GALK2: variants seen among roughly 807,000 people sequenced by gnomAD.
The protein encoded by GALK2 is N-acetylgalactosamine kinase.
GALK2 carries 36 observed loss-of-function variants against 52.4 expected under a neutral mutation model. The observed-to-expected ratio is 0.69, with a 90% CI of 0.53 to 0.91. The LOEUF (loss-of-function observed/expected upper bound fraction) is 0.91, where lower values mean the gene tolerates loss of function less well. Ranked by LOEUF, GALK2 falls within the 40% of genes least tolerant of loss-of-function variation. The pLI is 0.00. For missense variants in GALK2, 579 were observed against 559.1 expected (o/e 1.04, Z -0.36); for synonymous variants, 176 against 199.1 (o/e 0.88, Z 0.98).
chr15:49,275,023 A>G (rs552151775), intron 5 of GALK2, among the ~76,000 whole-genome samples: 20 of 152,330 alleles, frequency 1.3e-4, no homozygotes, highest in Middle Eastern at 3.4e-3. Context: ...GATAAAAAGT[A>G]TAATAAATAT....
intron 3 of GALK2, among the ~76,000 whole-genome samples, chr15:49,232,748 G>T (rs1455127006): frequency 6.6e-6 from 1 of 152,140 alleles, no homozygotes; most frequent in Non-Finnish European, 1.5e-5. Flanking sequence ...CAAGTTCAAA[G>T]TTCCACATAC....
chr15:49,227,187 TCTG>T (rs2090182296), intron 3 of GALK2, among the ~76,000 whole-genome samples: 1 of 152,208 alleles, frequency 6.6e-6, no homozygotes, highest in Admixed American at 6.5e-5. Context: ...TTTTAAATTT[TCTG>T]TTGTGATGAT....
intron 5 of GALK2, among the ~76,000 whole-genome samples, chr15:49,268,684 C>G (rs893802288): frequency 1.3e-5 from 2 of 152,180 alleles, no homozygotes; most frequent in African/African-American, 4.8e-5. Context: ...TAGAAATGAT[C>G]AGAAATGATC....
chr15:49,310,990 C>T (rs111244767), intron 8 of GALK2, among the ~76,000 whole-genome samples: 72 of 152,164 alleles, frequency 4.7e-4, no homozygotes, highest in African/African-American at 1.7e-3. Context: ...AAGCATTTCC[C>T]CTGTGTTCTC....
intron 8 of GALK2, among the ~76,000 whole-genome samples, chr15:49,311,251 A>T (rs2141911613): frequency 6.6e-6 from 1 of 152,272 alleles, no homozygotes; most frequent in South Asian, 2.1e-4. Flanking sequence ...TTATTTGTTC[A>T]TTCACATGGG....
intron 5 of GALK2, among the ~76,000 whole-genome samples, chr15:49,270,888 T>C (rs1490399086): frequency 6.6e-6 from 1 of 152,122 alleles, no homozygotes; most frequent in African/African-American, 2.4e-5. Context: ...TTCTTGTCAT[T>C]CTCTAGGAGA....
chr15:49,322,839 C>G (rs925886631), intron 9 of GALK2, among the ~76,000 whole-genome samples: 18 of 151,894 alleles, frequency 1.2e-4, no homozygotes, highest in African/African-American at 4.4e-4. Context: ...CGCCTGTAGT[C>G]CCAGCTACTC....
chr15:49,304,723 G>A (rs1360134893), intron 8 of GALK2, among the ~76,000 whole-genome samples: 3 of 152,172 alleles, frequency 2.0e-5, no homozygotes, highest in Admixed American at 2.0e-4. Flanking sequence ...TCAAATCTTG[G>A]TGATACCAAT....
chr15:49,316,804 G>A (rs1412144834), intron 8 of GALK2, among the ~76,000 whole-genome samples: 1 of 152,160 alleles, frequency 6.6e-6, no homozygotes, highest in Non-Finnish European at 1.5e-5. Context: ...GTCCTTCAGT[G>A]GAAAGACACT....
At chr15:49,263,251 T>A (rs1044599460) in intron 5 of GALK2, among the ~76,000 whole-genome samples, 1 of 72,040 alleles carries the variant, frequency 1.4e-5, no homozygotes, top group Admixed American at 1.1e-4. Context: ...ATCTTGGTGC[T>A]CCTGTATTGG....
At chr15:49,293,924 AC>A (rs1255005139) in intron 8 of GALK2, among the ~76,000 whole-genome samples, 2 of 151,772 alleles carry the variant, frequency 1.3e-5, no homozygotes, top group East Asian at 3.9e-4. Flanking sequence ...ACATAGTAAA[AC>A]CCTGCCTCTA....
intron 5 of GALK2, among the ~76,000 whole-genome samples, chr15:49,245,718 T>C (rs1480746253): frequency 6.6e-6 from 1 of 152,170 alleles, no homozygotes. Context: ...ACAAAATTAT[T>C]CAGCGAGGGC....
At chr15:49,360,116 C>T (rs2043938921) in intron 3 of GALK2, among the ~76,000 whole-genome samples, 1 of 149,992 alleles carries the variant, frequency 6.7e-6, no homozygotes, top group African/African-American at 2.5e-5. Flanking sequence ...GGAGGGATAG[C>T]ATCAGGAGAT....
intron 5 of GALK2, among the ~76,000 whole-genome samples, chr15:49,256,139 C>T (rs866648165): frequency 1.3e-5 from 2 of 152,036 alleles, no homozygotes; most frequent in Non-Finnish European, 2.9e-5. Flanking sequence ...CCAAGCAACG[C>T]GAATTTGGTT....
intron 3 of GALK2, chr15:49,366,762 G>T: frequency 1.4e-6 from 1 of 707,372 alleles, no homozygotes; most frequent in African/African-American, 1.8e-5. Context: ...CCACTGCGCT[G>T]CCTCCGTGGC....
intron 2 of GALK2, among the ~76,000 whole-genome samples, chr15:49,204,485 T>A (rs1254976280): frequency 6.6e-6 from 1 of 152,094 alleles, no homozygotes; most frequent in Non-Finnish European, 1.5e-5. Flanking sequence ...CTTCCCACTT[T>A]TTTGTATCCT....
At chr15:49,299,755 CTTT>C (rs2034884045) in intron 8 of GALK2, among the ~76,000 whole-genome samples, 2 of 124,606 alleles carry the variant, frequency 1.6e-5, no homozygotes, top group African/African-American at 6.4e-5. Flanking sequence ...TTCTTTCTTT[CTTT>C]CTTTCTTTCT....
intron 9 of GALK2, among the ~76,000 whole-genome samples, chr15:49,320,353 G>A (rs1218936706): frequency 6.6e-6 from 1 of 152,188 alleles, no homozygotes; most frequent in Non-Finnish European, 1.5e-5. Context: ...AAAGGCTGAA[G>A]AAAGCCCAGG....
At chr15:49,342,156 G>C (rs1230616047) in intron 3 of GALK2, among the ~76,000 whole-genome samples, 2 of 152,130 alleles carry the variant, frequency 1.3e-5, no homozygotes, top group Non-Finnish European at 2.9e-5. Flanking sequence ...CCATTATTGT[G>C]TGACTATTTC....
Sources: allele counts gnomAD v4.1 joint callset (sites outside exome capture counted in the v4.1 genomes callset), GRCh38; gene constraint gnomAD v4.1.1; transcripts MANE v1.5; gene names NCBI Gene and HGNC (gene_info 2026-07-23, HGNC 2026-07-21).